RBFOX1: variants seen among roughly 807,000 people sequenced by gnomAD.
The protein encoded by RBFOX1 is RNA binding protein fox-1 homolog 1.
RBFOX1 carries 8 observed loss-of-function variants against 57.7 expected under a neutral mutation model. That is an observed-to-expected ratio of 0.14 (90% confidence interval 0.08 to 0.25). The LOEUF (loss-of-function observed/expected upper bound fraction) is 0.25, where lower values mean the gene tolerates loss of function less well. Among genes scored for constraint, RBFOX1 ranks in the 10% least tolerant of loss-of-function variants. The pLI is 1.00. For missense variants in RBFOX1, 611 were observed against 548.5 expected (o/e 1.11, Z -1.14); for synonymous variants, 326 against 222.4 (o/e 1.47, Z -4.15).
chr16:7,683,799 G>C (rs751929861), intron 14 of RBFOX1, among the ~76,000 whole-genome samples: 12 of 151,670 alleles, frequency 7.9e-5, no homozygotes, highest in Non-Finnish European at 1.6e-4. Flanking sequence ...GCTCTGTTGA[G>C]AATATACGTG....
chr16:7,566,011 CCTA>C (rs985986802), intron 5 of RBFOX1, among the ~76,000 whole-genome samples: 3 of 152,074 alleles, frequency 2.0e-5, no homozygotes, highest in Non-Finnish European at 2.9e-5. Flanking sequence ...TTGCCGAGCG[CCTA>C]CTATGTGTCA....
At chr16:5,967,318 T>G (rs75590562) in intron 4 of RBFOX1, among the ~76,000 whole-genome samples, 3,444 of 152,332 alleles carry the variant, frequency 0.023, 148 homozygotes, top group African/African-American at 0.078. Flanking sequence ...GTAACATTAC[T>G]GTGGCTCTTG....
At chr16:5,869,614 A>G (rs1188993923) in intron 4 of RBFOX1, among the ~76,000 whole-genome samples, 1 of 151,942 alleles carries the variant, frequency 6.6e-6, no homozygotes, top group Non-Finnish European at 1.5e-5. Context: ...GTTGGCCAGG[A>G]TGGTCTCTAT....
chr16:5,886,536 G>A (rs530811135), intron 4 of RBFOX1, among the ~76,000 whole-genome samples: 2 of 152,224 alleles, frequency 1.3e-5, no homozygotes, highest in Non-Finnish European at 2.9e-5. Context: ...ACTAACATTT[G>A]GTCTTCTTAT....
Position 7,051,668 on chromosome 16 carries a change from T to C in RBFOX1, c.-15-389T>C, listed in dbSNP as rs957009849. Among the ~76,000 whole-genome samples the C allele has an allele frequency of 7.9e-5, 12 of 152,292 alleles. No individual in the cohort carries two copies. The East Asian group carries it at 1.2e-3, about 15-fold the overall frequency. The stretch of plus-strand genomic sequence containing the variant: ...ACTTTGTGTGTTTTCCACTGACTTA[T>C]CATGACCATCTGGAGTGGGCCTTTA... On this transcript the variant is annotated intron_variant, in intron 3 of 15. Coordinates refer to ENST00000550418, the MANE Select transcript of RBFOX1 (RefSeq NM_018723.4).
chr16:7,217,550 C>A (rs773764318), intron 4 of RBFOX1, among the ~76,000 whole-genome samples: 1 of 151,990 alleles, frequency 6.6e-6, no homozygotes, highest in Non-Finnish European at 1.5e-5. Context: ...GTCCATCACT[C>A]TTTATCTTAT....
At chr16:6,470,281 C>T (rs747271922) in intron 2 of RBFOX1, among the ~76,000 whole-genome samples, 16 of 152,146 alleles carry the variant, frequency 1.1e-4, no homozygotes, top group Non-Finnish European at 8.8e-5. Flanking sequence ...GGCATTTTTA[C>T]AGTAACAGTT....
intron 3 of RBFOX1, among the ~76,000 whole-genome samples, chr16:6,838,010 T>C (rs116668018): frequency 0.32 from 30,891 of 95,606 alleles, 4,057 homozygotes; most frequent in East Asian, 0.64. Flanking sequence ...TACCACCCCT[T>C]TTTTTTTTTT....
intron 3 of RBFOX1, among the ~76,000 whole-genome samples, chr16:6,857,852 G>A (rs563431717): frequency 2.0e-5 from 3 of 152,186 alleles, no homozygotes; most frequent in African/African-American, 7.2e-5. Context: ...AGCTCTTCAT[G>A]CTCAGTTACC....
chr16:7,604,387 C>G (rs1384620154), intron 9 of RBFOX1, among the ~76,000 whole-genome samples: 2 of 152,218 alleles, frequency 1.3e-5, no homozygotes, highest in Non-Finnish European at 2.9e-5. Context: ...TTGCAGCACA[C>G]AGATTCCCAG....
At chr16:7,066,986 C>T (rs1305048344) in intron 4 of RBFOX1, among the ~76,000 whole-genome samples, 1 of 152,188 alleles carries the variant, frequency 6.6e-6, no homozygotes. Flanking sequence ...GGAAATGCCT[C>T]TTTATGCTCC....
intron 3 of RBFOX1, among the ~76,000 whole-genome samples, chr16:6,999,216 A>ATTTTTTTT (rs374767232): frequency 4.6e-5 from 5 of 109,038 alleles, no homozygotes; most frequent in East Asian, 2.4e-4. Flanking sequence ...ATTTTTATTT[A>ATTTTTTTT]TTTTTTTTAT....
At chr16:5,588,325 C>A (rs2046899740) in intron 2 of RBFOX1, among the ~76,000 whole-genome samples, 1 of 151,982 alleles carries the variant, frequency 6.6e-6, no homozygotes, top group Non-Finnish European at 1.5e-5. Flanking sequence ...GAATTGTACA[C>A]TTAAAATGGA....
chr16:7,342,779 C>T (rs73563891), intron 4 of RBFOX1, among the ~76,000 whole-genome samples: 4,545 of 152,096 alleles, frequency 0.03, 179 homozygotes, highest in African/African-American at 0.091. Context: ...TTCCACATGG[C>T]TGGTATAAAA....
chr16:7,686,197 A>C (rs1023085150), intron 14 of RBFOX1, among the ~76,000 whole-genome samples: 2 of 151,964 alleles, frequency 1.3e-5, no homozygotes, highest in African/African-American at 2.4e-5. Flanking sequence ...GAAAAAAAAA[A>C]CAAGGAGTTT....
At chr16:6,173,765 A>G (rs2096980915) in intron 1 of RBFOX1, among the ~76,000 whole-genome samples, 1 of 152,060 alleles carries the variant, frequency 6.6e-6, no homozygotes, top group South Asian at 2.1e-4. Flanking sequence ...GTATGGCACC[A>G]TGCCCAGCTA....
chr16:6,328,802 G>A (rs1360488804), intron 2 of RBFOX1, among the ~76,000 whole-genome samples: 2 of 152,116 alleles, frequency 1.3e-5, no homozygotes, highest in Non-Finnish European at 1.5e-5. Context: ...GGGACCCAAG[G>A]AGTATAGCTT....
intron 4 of RBFOX1, chr16:7,304,628 C>T: frequency 1.0e-6 from 1 of 970,970 alleles, no homozygotes; most frequent in Non-Finnish European, 1.2e-6. Context: ...TGGATGGAAG[C>T]CTCCTGCTCT....
At chr16:5,999,846 C>A (rs369742050) in intron 4 of RBFOX1, among the ~76,000 whole-genome samples, 2 of 110,990 alleles carry the variant, frequency 1.8e-5, no homozygotes, top group Admixed American at 1.2e-4. Flanking sequence ...CCAGCCTGGG[C>A]GACAGAGCGA....
Sources: gnomAD v4.1 joint callset for allele counts (sites outside exome capture counted in the v4.1 genomes callset) on GRCh38, gnomAD v4.1.1 for gene constraint, MANE v1.5 for transcripts, NCBI Gene and HGNC (gene_info 2026-07-23, HGNC 2026-07-21) for gene names.